The following BNIP3L variants were observed in gnomAD, a reference collection of about 807,000 sequenced individuals.
The protein encoded by BNIP3L is BCL2 interacting protein 3 like.
In BNIP3L, 10 loss-of-function variants were observed where a neutral mutation model predicts 25.5. That is an observed-to-expected ratio of 0.39 (90% confidence interval 0.24 to 0.67). The LOEUF (loss-of-function observed/expected upper bound fraction) is 0.67, where lower values mean the gene tolerates loss of function less well. BNIP3L is among the 30% of genes least tolerant of loss of function. The probability of loss-of-function intolerance (pLI) is 0.45; values close to 1 mark genes in which losing one functional copy is unlikely to be tolerated. For missense variants in BNIP3L, 215 were observed against 270.9 expected (o/e 0.79, Z 1.45); for synonymous variants, 113 against 101.2 (o/e 1.12, Z -0.70).
intron 3 of BNIP3L, among the ~76,000 whole-genome samples, chr8:26,401,346 C>G (rs1263526127): frequency 6.8e-6 from 1 of 146,240 alleles, no homozygotes; most frequent in Non-Finnish European, 1.5e-5. Context: ...TATTCTCACT[C>G]ATAGGTGGGA....
In BNIP3L at chr8:26,400,122, A is replaced by G. The variant is rs1430250474; in HGVS notation, c.357+4820A>G. ...GCATCGCCAAGTCAATCCTAAGCCA[A>G]AAGAACAAAGCTGGAGGCATCACAC... On this transcript the variant is annotated intron_variant, in intron 3 of 5. Transcript: ENST00000380629. 3.5e-3 allele frequency among the ~76,000 whole-genome samples: 530 copies of G among 150,646 alleles called. 13 individuals are homozygous for G. Among genetic ancestry groups the G allele is most frequent in the Admixed American group, 0.031 (465 of 15,148 alleles).
intron 5 of BNIP3L, among the ~76,000 whole-genome samples, 180 bp from the exon 6 acceptor site, chr8:26,410,184 C>T (rs1034851345): frequency 5.9e-5 from 9 of 152,068 alleles, no homozygotes; most frequent in Non-Finnish European, 1.3e-4. Context: ...CCAGTTTGGC[C>T]GGGCTGGTGA....
At chr8:26,388,781 G>A (rs1806044378) in intron 1 of BNIP3L, among the ~76,000 whole-genome samples, 1 of 150,724 alleles carries the variant, frequency 6.6e-6, no homozygotes, top group Non-Finnish European at 1.5e-5. Flanking sequence ...GACCAACCTG[G>A]GCAATGTAGG....
intron 1 of BNIP3L, 72 bp from the exon 2 acceptor site, chr8:26,391,171 C>T: frequency 1.5e-6 from 2 of 1,296,670 alleles, no homozygotes; most frequent in East Asian, 2.5e-5. Context: ...TCTGGATTCA[C>T]CATGTTCACA....
chr8:26,410,509 A>C lies in BNIP3L; in HGVS notation c.*97A>C. On this transcript the variant is annotated 3_prime_UTR_variant, in exon 6 of 6. Transcript: ENST00000380629. ...TTGAGACCATTGTAAGCATGACCCA[A>C]CCTACCACCCTGTTTTTACATATCC... 7.3e-7 allele frequency: 1 copy of C among 1,370,672 alleles called. No homozygotes were observed. The allele number at this position is 1,370,672 out of a possible 1,614,324, so 84.9% of individuals were successfully genotyped here.
At chr8:26,410,281 G>A (rs1274363614) in intron 5 of BNIP3L, 83 bp from the exon 6 acceptor site, 2 of 1,518,794 alleles carry the variant, frequency 1.3e-6, no homozygotes, top group African/African-American at 2.8e-5. Flanking sequence ...AGACTGAAGA[G>A]TTTTAAGTAG....
intron 3 of BNIP3L, among the ~76,000 whole-genome samples, chr8:26,399,041 G>C (rs987758318): frequency 2.0e-5 from 3 of 151,474 alleles, no homozygotes; most frequent in Non-Finnish European, 4.4e-5. Context: ...AATAGAAAAA[G>C]AGGGAATCCT....
At chr8:26,385,511 G>T (rs1202742036) in intron 1 of BNIP3L, among the ~76,000 whole-genome samples, 1 of 150,630 alleles carries the variant, frequency 6.6e-6, no homozygotes, top group African/African-American at 2.4e-5. Context: ...GCTGAGGCAG[G>T]AGAATCGCTT....
Position 26,410,405 on chromosome 8 carries a change from C to T in BNIP3L, c.653C>T (p.Thr218Ile), listed in dbSNP as rs757270624. 1.2e-6 allele frequency: 2 copies of T among 1,614,100 alleles called. No individual in the cohort carries two copies. Among genetic ancestry groups the T allele is most frequent in the Non-Finnish European group, 1.7e-6 (2 of 1,180,006 alleles). Residue 218 changes from threonine to isoleucine, a missense_variant, in exon 6 of 6, where the codon ACC becomes ATC. Thr to Ile is a moderately conservative substitution (Grantham distance 89, BLOSUM62 -1). Transcript: ENST00000380629. Reference sequence around the variant, plus strand: ...CGACTGAGCACACCCTCTGCCAGCACCTACTGAGGGAAAGGAAAAGCCCCT... The same window carrying T: ...CGACTGAGCACACCCTCTGCCAGCATCTACTGAGGGAAAGGAAAAGCCCCT... Reference protein sequence around the residue: ...GKRLSTPSASTY With the variant: ...GKRLSTPSASIY
chr8:26,411,676 G>A lies in BNIP3L; in HGVS notation c.*1264G>A, dbSNP rs899419431. 2.0e-5 allele frequency: 3 copies of A among 152,530 alleles called. No homozygotes were observed. Among genetic ancestry groups the A allele is most frequent in the South Asian group, 2.1e-4 (1 of 4,826 alleles). 9.4% of individuals were successfully genotyped at this position (152,530 alleles called of 1,614,324 possible). ...GATTCCTTCAGTGATATACTTGTTC[G>A]TTCATTTCTAAAATGTGAAGCTTTA... On this transcript the variant is annotated 3_prime_UTR_variant, in exon 6 of 6. Coordinates refer to ENST00000380629, the MANE Select transcript of BNIP3L (RefSeq NM_004331.3).
Position 26,391,295 on chromosome 8 carries a change from T to C in BNIP3L, c.153T>C (p.Asn51=). The change falls in exon 2 of 6, where the codon AAT becomes AAC. Residue 51 remains asparagine, a synonymous_variant. Transcript: ENST00000380629. ...GCAGCAATGGCAATGATAATGGCAATGGGAAAAATGGGGGGCTGGAACACG... is the reference window on the plus strand; with the variant it reads ...GCAGCAATGGCAATGATAATGGCAACGGGAAAAATGGGGGGCTGGAACACG... ...MNSSNGNDNG[N]GKNGGLEHVP... The C allele has an allele frequency of 6.2e-7, 1 of 1,612,276 alleles. No homozygotes were observed. Among genetic ancestry groups the C allele is most frequent in the Admixed American group, 1.7e-5 (1 of 59,720 alleles).
At chr8:26,394,855 G>A (rs1026560668) in intron 2 of BNIP3L, among the ~76,000 whole-genome samples, 1 of 152,212 alleles carries the variant, frequency 6.6e-6, no homozygotes, top group Admixed American at 6.5e-5. Context: ...ATTATTTAAT[G>A]ATGAGGGAAC....
At chr8:26,389,120 A>T (rs989425968) in intron 1 of BNIP3L, among the ~76,000 whole-genome samples, 2 of 151,920 alleles carry the variant, frequency 1.3e-5, no homozygotes, top group Non-Finnish European at 2.9e-5. Context: ...CCTATCTGGA[A>T]CTCCTGGTTC....
Position 26,395,353 on chromosome 8 carries a change from T to C in BNIP3L, c.357+51T>C, listed in dbSNP as rs754610212. 3 of 1,561,198 alleles carry C rather than the reference T, an allele frequency of 1.9e-6. No homozygotes were observed. The Admixed American group carries it at 5.3e-5, about 27-fold the overall frequency. The stretch of plus-strand genomic sequence containing the variant: ...AGTAAACAATTAAGAAAGATGTAAA[T>C]TCTCTAAGTATATTTTGCTAAAATA... On this transcript the variant is annotated intron_variant, in intron 3 of 5. Transcript: ENST00000380629.
chr8:26,408,700 G>A (rs901634844), intron 5 of BNIP3L, among the ~76,000 whole-genome samples: 2 of 151,728 alleles, frequency 1.3e-5, no homozygotes, highest in East Asian at 1.9e-4. Flanking sequence ...GGTGAAACCC[G>A]GTCTCTACTA....
At chr8:26,393,315 C>T (rs538811860) in intron 2 of BNIP3L, among the ~76,000 whole-genome samples, 19 of 149,016 alleles carry the variant, frequency 1.3e-4, no homozygotes, top group East Asian at 7.9e-4. Context: ...TTTGTGTTGC[C>T]GCAGGGGTTG....
At chr8:26,403,203 A>G (rs933078720) in intron 3 of BNIP3L, among the ~76,000 whole-genome samples, 1 of 152,204 alleles carries the variant, frequency 6.6e-6, no homozygotes, top group African/African-American at 2.4e-5. Context: ...CCTGTGAGAG[A>G]TAACAGTTGA....
At chr8:26,407,691 G>A (rs1467556785) in intron 3 of BNIP3L, among the ~76,000 whole-genome samples, 17 of 152,066 alleles carry the variant, frequency 1.1e-4, no homozygotes, top group Non-Finnish European at 1.5e-5. Context: ...TGTAAGTATT[G>A]CCCAGATTTA....
intron 2 of BNIP3L, 82 bp downstream of exon 2, chr8:26,391,508 T>C: frequency 1.6e-5 from 19 of 1,219,036 alleles, no homozygotes; most frequent in Non-Finnish European, 2.1e-5. Flanking sequence ...ATCTGTTTGC[T>C]TAAATCTTCA....
Sources: allele counts gnomAD v4.1 joint callset (sites outside exome capture counted in the v4.1 genomes callset), GRCh38; gene constraint gnomAD v4.1.1; transcripts MANE v1.5; gene names NCBI Gene and HGNC (gene_info 2026-07-23, HGNC 2026-07-21).